FHIP1A: variants seen among roughly 807,000 people sequenced by gnomAD.
FHIP1A encodes FHF complex subunit HOOK-interacting protein 1A.
A neutral mutation model predicts 88.6 loss-of-function variants in FHIP1A; 61 were observed. The observed-to-expected ratio is 0.69, with a 90% CI of 0.56 to 0.85. FHIP1A has a LOEUF of 0.85. Among genes scored for constraint, FHIP1A ranks in the 40% least tolerant of loss-of-function variants. The pLI, the probability that FHIP1A is intolerant of heterozygous loss-of-function variation, is 0.00. For synonymous variants in FHIP1A, 478 were observed against 496.0 expected (o/e 0.96, Z 0.48); for missense variants, 1,154 against 1,273.5 (o/e 0.91, Z 1.43).
At chr4:151,612,518 T>C (rs1407871098) in intron 7 of FHIP1A, among the ~76,000 whole-genome samples, 4 of 152,208 alleles carry the variant, frequency 2.6e-5, no homozygotes, top group African/African-American at 4.8e-5. Flanking sequence ...GTAGCTGAGA[T>C]TACAAGTGTG....
chr4:151,572,785 A>T (rs571490589), intron 4 of FHIP1A, among the ~76,000 whole-genome samples: 1 of 152,380 alleles, frequency 6.6e-6, no homozygotes, highest in East Asian at 1.9e-4. Context: ...TAGCATAAAT[A>T]ATTACCTACT....
At chr4:151,457,116 G>A (rs1728993445) in intron 2 of FHIP1A, among the ~76,000 whole-genome samples, 1 of 151,870 alleles carries the variant, frequency 6.6e-6, no homozygotes, top group African/African-American at 2.4e-5. Context: ...AGGTAAATAT[G>A]GTCTTGTAGT....
intron 4 of FHIP1A, among the ~76,000 whole-genome samples, chr4:151,567,201 A>C (rs1428845393): frequency 6.6e-6 from 1 of 152,080 alleles, no homozygotes; most frequent in Non-Finnish European, 1.5e-5. Flanking sequence ...TAAAATTGTC[A>C]TTCTTTACTA....
chr4:151,444,475 C>T (rs968939996), intron 1 of FHIP1A, among the ~76,000 whole-genome samples: 2 of 152,018 alleles, frequency 1.3e-5, no homozygotes, highest in Non-Finnish European at 2.9e-5. Flanking sequence ...ATGAACAGTA[C>T]CTTAGAAACC....
rs568612655 is a variant in FHIP1A, at chr4:151,458,384, C to T, written c.-248+3576C>T. Among the ~76,000 whole-genome samples the T allele has an allele frequency of 3.5e-4, 53 of 152,234 alleles. 2 individuals carry two copies. The South Asian group carries it at 0.011, about 32-fold the overall frequency. ...GGTCCTATAAGGAGGAGGAAACAGCCTAGCCAGGTCTGCTGTGGTGTGAAC... is the reference window on the plus strand; with the variant it reads ...GGTCCTATAAGGAGGAGGAAACAGCTTAGCCAGGTCTGCTGTGGTGTGAAC... On this transcript the variant is annotated intron_variant, in intron 2 of 13. Coordinates refer to ENST00000435205, the MANE Select transcript of FHIP1A (RefSeq NM_001109977.3).
chr4:151,496,638 C>A (rs989729668), intron 3 of FHIP1A, among the ~76,000 whole-genome samples: 1 of 151,570 alleles, frequency 6.6e-6, no homozygotes, highest in Non-Finnish European at 1.5e-5. Context: ...ATTCTCCATT[C>A]CCCCGGCTCA....
chr4:151,457,682 T>C (rs1237103558), intron 2 of FHIP1A, among the ~76,000 whole-genome samples: 4 of 152,208 alleles, frequency 2.6e-5, no homozygotes. Context: ...GTATACTGTC[T>C]GGCTGCCCTA....
chr4:151,583,927 AT>A (rs1734114593), intron 5 of FHIP1A, among the ~76,000 whole-genome samples: 1 of 152,100 alleles, frequency 6.6e-6, no homozygotes, highest in Non-Finnish European at 1.5e-5. Flanking sequence ...AGATGCCCTG[AT>A]TTTTTAAAAA....
chr4:151,553,654 T>C (rs1732833198), intron 3 of FHIP1A, among the ~76,000 whole-genome samples: 1 of 152,186 alleles, frequency 6.6e-6, no homozygotes, highest in Non-Finnish European at 1.5e-5. Context: ...AATGCGAAGT[T>C]TCTAGACTGT....
At chr4:151,475,179 A>C (rs1729654410) in intron 2 of FHIP1A, among the ~76,000 whole-genome samples, 2 of 152,184 alleles carry the variant, frequency 1.3e-5, no homozygotes, top group Non-Finnish European at 2.9e-5. Flanking sequence ...CCATTCAATA[A>C]ATAGTAAGTA....
At chr4:151,432,424 A>T (rs766524776) in intron 1 of FHIP1A, among the ~76,000 whole-genome samples, 1 of 152,174 alleles carries the variant, frequency 6.6e-6, no homozygotes, top group Non-Finnish European at 1.5e-5. Flanking sequence ...AGGTGCTGAG[A>T]ATATAGTTGT....
rs755319554 is a variant in FHIP1A at position 151,585,643 on chromosome 4, TA to T, written c.733-994del. On this transcript the variant is annotated intron_variant, in intron 5 of 13. Transcript: ENST00000435205. Reference sequence around the variant, plus strand: ...ATCCCTGGTTTGATATTCCACAAGGTAAAATCAACAAGCACTCAGCATTAAG... The same window carrying T: ...ATCCCTGGTTTGATATTCCACAAGGTAAATCAACAAGCACTCAGCATTAAG... Among the ~76,000 whole-genome samples, 57 of 152,270 alleles carry T rather than the reference TA, an allele frequency of 3.7e-4. 1 individual carries two copies. The highest frequency in any genetic ancestry group is 3.4e-3 in the Middle Eastern group (1 of 294).
At chr4:151,449,265 C>T (rs1023742740) in intron 1 of FHIP1A, among the ~76,000 whole-genome samples, 16 of 152,040 alleles carry the variant, frequency 1.1e-4, no homozygotes, top group African/African-American at 3.9e-4. Flanking sequence ...TCACTACAAT[C>T]CTTTGAGGCA....
At chr4:151,575,707 G>A (rs1733762089) in intron 4 of FHIP1A, among the ~76,000 whole-genome samples, 1 of 152,126 alleles carries the variant, frequency 6.6e-6, no homozygotes. Flanking sequence ...ACTTTCTGTG[G>A]AAATTCTTTT....
intron 3 of FHIP1A, among the ~76,000 whole-genome samples, chr4:151,487,803 C>T (rs186618808): frequency 2.0e-5 from 3 of 152,322 alleles, no homozygotes; most frequent in Admixed American, 2.0e-4. Context: ...CTCAAGGTCA[C>T]AAAAGGATTA....
At chr4:151,555,927 T>A (rs191003710) in intron 3 of FHIP1A, among the ~76,000 whole-genome samples, 1 of 152,296 alleles carries the variant, frequency 6.6e-6, no homozygotes, top group East Asian at 1.9e-4. Context: ...AAATATTTAA[T>A]TCAAGCACCA....
At chr4:151,435,020 A>G (rs949951988) in intron 1 of FHIP1A, among the ~76,000 whole-genome samples, 1 of 152,160 alleles carries the variant, frequency 6.6e-6, no homozygotes, top group African/African-American at 2.4e-5. Context: ...GGGTAATGTG[A>G]TATTTTGATA....
intron 3 of FHIP1A, among the ~76,000 whole-genome samples, chr4:151,563,928 G>A (rs955774378): frequency 2.6e-5 from 4 of 152,030 alleles, no homozygotes; most frequent in Non-Finnish European, 5.9e-5. Context: ...AGGAGTTCAA[G>A]GCTGCAGTGA....
chr4:151,565,076 C>G (rs892508306), intron 3 of FHIP1A, among the ~76,000 whole-genome samples: 6 of 152,078 alleles, frequency 3.9e-5, no homozygotes, highest in African/African-American at 1.2e-4. Context: ...TGGCTACCCC[C>G]TGTTTTCTTT....
Sources: gnomAD v4.1 joint callset for allele counts (sites outside exome capture counted in the v4.1 genomes callset) on GRCh38, gnomAD v4.1.1 for gene constraint, MANE v1.5 for transcripts, NCBI Gene and HGNC (gene_info 2026-07-23, HGNC 2026-07-21) for gene names.